The following CFAP91 variants were observed in gnomAD, a reference collection of about 807,000 sequenced individuals.
CFAP91 encodes cilia and flagella associated protein 91, also known as cilia- and flagella-associated protein 91.
Under a neutral mutation model 95.9 loss-of-function variants are expected in CFAP91, and 85 were observed. The ratio of observed to expected loss-of-function variants is 0.89; its 90% CI spans 0.74 to 1.06. The LOEUF is 1.06. Ranked by LOEUF, CFAP91 falls within the 50% of genes least tolerant of loss-of-function variation. The pLI, the probability that CFAP91 is intolerant of heterozygous loss-of-function variation, is 0.00. For synonymous variants in CFAP91, 335 were observed against 327.5 expected (o/e 1.02, Z -0.25); for missense variants, 962 against 943.4 (o/e 1.02, Z -0.26).
At position 119,730,292 on chromosome 3, in the gene CFAP91, T is replaced by C; in HGVS notation, c.933T>C (p.Asn311=). ...GTGAAGAGAATCAGAATGAAGTGAA[T>C]ATGAAGCACTTGAATGCCCGGTGGT... ...RKREENQNEV[N]MKHLNARWSK... The change falls in exon 8 of 18, where the codon AAT becomes AAC. Residue 311 remains asparagine, a synonymous_variant. Coordinates refer to ENST00000273390, the MANE Select transcript of CFAP91 (RefSeq NM_033364.4). 6 of 1,614,042 alleles carry C rather than the reference T, an allele frequency of 3.7e-6. No homozygotes were observed. The highest frequency in any genetic ancestry group is 5.1e-6 in the Non-Finnish European group (6 of 1,179,988).
Position 119,765,113 on chromosome 3 carries a change from C to T in CFAP91, c.*63C>T, listed in dbSNP as rs562760851. On this transcript the variant is annotated 3_prime_UTR_variant, in exon 18 of 18. Coordinates refer to ENST00000273390, the MANE Select transcript of CFAP91 (RefSeq NM_033364.4). Reference sequence around the variant, plus strand: ...TCATAAATAATTCCAATAGTCTGCACTTCTCCCAAGGTGTGCACTGCTCAT... The same window carrying T: ...TCATAAATAATTCCAATAGTCTGCATTTCTCCCAAGGTGTGCACTGCTCAT... 4.6e-5 allele frequency: 7 copies of T among 152,250 alleles called. No individual in the cohort carries two copies. Among genetic ancestry groups the T allele is most frequent in the Non-Finnish European group, 1.0e-4 (7 of 68,004 alleles). The allele number at this position is 152,250 out of a possible 1,614,324, so 9.4% of individuals were successfully genotyped here.
chr3:119,705,742 C>T (rs909778857), intron 1 of CFAP91, among the ~76,000 whole-genome samples: 2 of 152,180 alleles, frequency 1.3e-5, no homozygotes, highest in Admixed American at 6.5e-5. Context: ...TTGTCTCTCT[C>T]TCATGAAGTC....
At chr3:119,731,631 C>T (rs2053898770) in intron 8 of CFAP91, among the ~76,000 whole-genome samples, 1 of 152,186 alleles carries the variant, frequency 6.6e-6, no homozygotes, top group Non-Finnish European at 1.5e-5. Flanking sequence ...ACACAGGCCC[C>T]CTCTTGCAGC....
At chr3:119,734,153 C>T (rs771589990) in intron 10 of CFAP91, among the ~76,000 whole-genome samples, 1 of 152,120 alleles carries the variant, frequency 6.6e-6, no homozygotes, top group Non-Finnish European at 1.5e-5. Flanking sequence ...GAGCATTTGC[C>T]TTTTTTATAA....
Position 119,732,461 on chromosome 3 carries a change from C to A in CFAP91, c.1186C>A (p.Leu396Ile). 1 of 1,601,324 alleles carries A rather than the reference C, an allele frequency of 6.2e-7. No individual in the cohort carries two copies. Among genetic ancestry groups the A allele is most frequent in the Non-Finnish European group, 8.5e-7 (1 of 1,175,218 alleles). The change falls in exon 9 of 18, where the codon CTC becomes ATC. Residue 396 changes from leucine (L) to isoleucine (I), a missense_variant. By Grantham distance (5) the Leu-to-Ile change is conservative. Coordinates refer to ENST00000273390, the MANE Select transcript of CFAP91 (RefSeq NM_033364.4). ...GGACTTTGTAGTAAAAAACTACTATCTCAACACCTATGAAGGTAAGCAATT... is the reference window on the plus strand; with the variant it reads ...GGACTTTGTAGTAAAAAACTACTATATCAACACCTATGAAGGTAAGCAATT... ...SEDFVVKNYY[L>I]NTYEGLVELE...
intron 4 of CFAP91, 111 bp from the exon 5 acceptor site, chr3:119,709,728 G>A: frequency 1.3e-6 from 1 of 797,494 alleles, no homozygotes; most frequent in East Asian, 2.5e-5. Flanking sequence ...ACTGATATAT[G>A]GGATATTTAA....
At position 119,765,995 on chromosome 3, in the gene CFAP91, A is replaced by C. The variant is rs1312589073; in HGVS notation, c.*945A>C. 2.0e-5 allele frequency: 3 copies of C among 152,258 alleles called. No individual in the cohort carries two copies. The highest frequency in any genetic ancestry group is 2.9e-5 in the Non-Finnish European group (2 of 68,034). 9.4% of individuals were successfully genotyped at this position (152,258 alleles called of 1,614,324 possible). ...GTAGGAAATAATAACAGACAAGGTC[A>C]AAAAATAGATGCAGGCTGAAAAGAA... On this transcript the variant is annotated 3_prime_UTR_variant, in exon 18 of 18. Coordinates refer to ENST00000273390, the MANE Select transcript of CFAP91 (RefSeq NM_033364.4).
intron 15 of CFAP91, 38 bp downstream of exon 15, chr3:119,747,301 C>T (rs899921611): frequency 1.1e-5 from 18 of 1,583,224 alleles, no homozygotes; most frequent in South Asian, 2.3e-5. Context: ...ATGGACAGCC[C>T]ATTTGCTGGT....
Position 119,726,246 on chromosome 3 carries a change from C to G in CFAP91, c.758C>G (p.Ser253Cys). 6.2e-7 allele frequency: 1 copy of G among 1,613,844 alleles called. No individual in the cohort carries two copies. Among genetic ancestry groups the G allele is most frequent in the South Asian group, 1.1e-5 (1 of 91,026 alleles). Residue 253 changes from serine to cysteine, a missense_variant, in exon 7 of 18, where the codon TCT becomes TGT. Transcript: ENST00000273390. ...RAREKRAWEA[S>C]LPALSDTSQF... ...CGCGAGAAGCGTGCTTGGGAAGCCTCTCTCCCCGCTCTGAGTGACACCTCC... is the reference window on the plus strand; with the variant it reads ...CGCGAGAAGCGTGCTTGGGAAGCCTGTCTCCCCGCTCTGAGTGACACCTCC...
intron 14 of CFAP91, among the ~76,000 whole-genome samples, 183 bp from the exon 15 acceptor site, chr3:119,746,932 G>A (rs1047560728): frequency 6.6e-6 from 1 of 152,232 alleles, no homozygotes; most frequent in East Asian, 1.9e-4. Flanking sequence ...CCCAGAGTGA[G>A]TAGGTAGGTG....
At chr3:119,739,868 A>T (rs961929727) in intron 12 of CFAP91, among the ~76,000 whole-genome samples, 1 of 152,176 alleles carries the variant, frequency 6.6e-6, no homozygotes, top group African/African-American at 2.4e-5. Flanking sequence ...ACAGGCAAGT[A>T]ATCTGAGTCT....
rs1577189476 is a variant in CFAP91, at chr3:119,703,095, C to A, written c.-4C>A. On this transcript the variant is annotated 5_prime_UTR_variant, in exon 1 of 18. Transcript: ENST00000273390. ...CTTGCTGGCGGGAGGAAAGAGGCGG[C>A]ACCATGAGCCACGCAGTAACCATCG... 1 of 1,552,972 alleles carries A rather than the reference C, an allele frequency of 6.4e-7. No individual in the cohort carries two copies.
rs2053290191 is a variant in CFAP91 at position 119,703,231 on chromosome 3, C to G, written c.124+9C>G. On this transcript the variant is annotated intron_variant, in intron 1 of 17. Transcript: ENST00000273390. ...GTATGATTTTCTGTACGGTAAGGAC[C>G]GCCGCAGACCTTCCTCCGCGTCCGT... 6.2e-7 allele frequency: 1 copy of G among 1,611,098 alleles called. No homozygotes were observed. The highest frequency in any genetic ancestry group is 1.7e-4 in the Middle Eastern group (1 of 5,998).
chr3:119,736,879 C>A (rs1393241802), intron 10 of CFAP91, among the ~76,000 whole-genome samples: 1 of 151,836 alleles, frequency 6.6e-6, no homozygotes. Flanking sequence ...TCTTGTTGCC[C>A]AGGCTGGAGT....
At chr3:119,734,673 T>C in intron 10 of CFAP91, among the ~76,000 whole-genome samples, 1 of 152,230 alleles carries the variant, frequency 6.6e-6, no homozygotes, top group Non-Finnish European at 1.5e-5. Flanking sequence ...TGGATTTGAT[T>C]TACTCATATG....
intron 16 of CFAP91, chr3:119,750,650 A>G: frequency 2.3e-6 from 1 of 434,232 alleles, no homozygotes; most frequent in Non-Finnish European, 4.2e-6. Context: ...TGATGTAGTC[A>G]GAGGAGACTT....
intron 1 of CFAP91, 83 bp downstream of exon 1, chr3:119,703,305 C>A (rs759650540): frequency 1.3e-6 from 2 of 1,565,710 alleles, no homozygotes; most frequent in Non-Finnish European, 1.7e-6. Flanking sequence ...TGGCCAGGGG[C>A]ATGGCGAACG....
rs1203427423 is a variant in CFAP91, at chr3:119,712,983, AC to A, written c.501-2578del. ...AAACAAAACAAGACAAAAAAAAAAA[AC>A]AACTATTTAAAGTACTTGCTCCAGC... On this transcript the variant is annotated intron_variant, in intron 5 of 17. Transcript: ENST00000273390. Among the ~76,000 whole-genome samples the A allele has an allele frequency of 5.9e-3, 885 of 151,128 alleles. 9 individuals carry two copies. The highest frequency in any genetic ancestry group is 0.02 in the African/African-American group (806 of 41,122).
At position 119,708,285 on chromosome 3, in the gene CFAP91, T is replaced by A. The variant is rs982925249; in HGVS notation, c.360-306T>A. On this transcript the variant is annotated intron_variant, in intron 3 of 17. Transcript: ENST00000273390. ...GTCTCAAAAAAAAAAAAAAAAAAAATTGTCTTTTAATATTTTGCTATTCTT... is the reference window on the plus strand; with the variant it reads ...GTCTCAAAAAAAAAAAAAAAAAAAAATGTCTTTTAATATTTTGCTATTCTT... Among the ~76,000 whole-genome samples, 711 of 148,788 alleles carry A rather than the reference T, an allele frequency of 4.8e-3. 6 individuals are homozygous for A. The highest frequency in any genetic ancestry group is 0.017 in the African/African-American group (668 of 40,372).
Sources: gnomAD v4.1 joint callset for allele counts (sites outside exome capture counted in the v4.1 genomes callset) on GRCh38, gnomAD v4.1.1 for gene constraint, MANE v1.5 for transcripts, NCBI Gene and HGNC (gene_info 2026-07-23, HGNC 2026-07-21) for gene names.